The following EP300 variants were observed in gnomAD, a reference collection of about 807,000 sequenced individuals.
EP300 encodes the protein EP300 lysine acetyltransferase, also known as histone acetyltransferase p300.
EP300 carries 31 observed loss-of-function variants against 264.0 expected under a neutral mutation model. That is an observed-to-expected ratio of 0.12 (90% CI 0.09 to 0.16). The LOEUF (loss-of-function observed/expected upper bound fraction) is 0.16, where lower values mean the gene tolerates loss of function less well. EP300 is among the 10% of genes least tolerant of loss of function. The pLI is 1.00. For synonymous variants in EP300, 1,340 were observed against 1,045.4 expected, an observed-to-expected ratio of 1.28 and a Z score of -5.44; for missense variants, 2,766 against 3,052.9, an observed-to-expected ratio of 0.91 and a Z score of 2.21.
chr22:41,102,219 C>G (rs1025921502), intron 1 of EP300, among the ~76,000 whole-genome samples: 1 of 152,014 alleles, frequency 6.6e-6, no homozygotes, highest in Non-Finnish European at 1.5e-5. Flanking sequence ...TTCTTTCCTT[C>G]CTGGAGTTTA....
At chr22:41,111,684 G>A (rs575524619) in intron 1 of EP300, among the ~76,000 whole-genome samples, 2 of 151,928 alleles carry the variant, frequency 1.3e-5, no homozygotes, top group East Asian at 1.9e-4. Flanking sequence ...TGAGGTTACG[G>A]CCTGCACCAC....
In EP300 at chr22:41,157,384, C is replaced by T. The variant is rs2145747879; in HGVS notation, c.3477C>T (p.Ser1159=). 1 of 1,614,080 alleles carries T rather than the reference C, an allele frequency of 6.2e-7. No homozygotes were observed. Among genetic ancestry groups the T allele is most frequent in the African/African-American group, 1.3e-5 (1 of 75,008 alleles). ...AAGAAATTGACCCAGTGATGCAAAG[C>T]CTTGGATACTGTTGTGGCAGAAAGG... is the stretch of plus-strand genomic sequence containing the variant. ...FEQEIDPVMQ[S]LGYCCGRKLE... is the part of the protein sequence containing the mutation. Residue 1159 remains serine (S), a synonymous_variant, in exon 18 of 31, where the codon AGC becomes AGT. Coordinates refer to ENST00000263253, the MANE Select transcript of EP300 (RefSeq NM_001429.4).
chr22:41,105,658 A>G (rs2058754791), intron 1 of EP300, among the ~76,000 whole-genome samples: 2 of 152,068 alleles, frequency 1.3e-5, no homozygotes, highest in South Asian at 4.2e-4. Context: ...CGGCCTCCCA[A>G]AGTGTTGGGA....
At chr22:41,104,774 C>T (rs889891090) in intron 1 of EP300, among the ~76,000 whole-genome samples, 1 of 152,042 alleles carries the variant, frequency 6.6e-6, no homozygotes, top group Non-Finnish European at 1.5e-5. Flanking sequence ...AATCCCAGCA[C>T]TTTGGGAGGC....
At chr22:41,093,936 T>C (rs2145667290) in intron 1 of EP300, among the ~76,000 whole-genome samples, 1 of 152,344 alleles carries the variant, frequency 6.6e-6, no homozygotes, top group African/African-American at 2.4e-5. Context: ...TGTACAAAAG[T>C]TTAAAATGTG....
Position 41,176,804 on chromosome 22 carries a change from C to T in EP300, c.5093C>T (p.Thr1698Ile), listed in dbSNP as rs1351412281. The T allele has an allele frequency of 2.5e-6, 4 of 1,614,144 alleles. No homozygotes were observed. The highest frequency in any genetic ancestry group is 2.2e-5 in the South Asian group (2 of 91,056). ...GACTTGTGTATCACCTGCTATAACA[C>T]TAAAAACCATGACCACAAAATGGAG... is the stretch of plus-strand genomic sequence containing the variant. ...DYDLCITCYN[T>I]KNHDHKMEKL... Residue 1698 changes from threonine (T) to isoleucine (I), a missense_variant, in exon 31 of 31, where the codon ACT (threonine) becomes ATT (isoleucine). Coordinates refer to ENST00000263253, the MANE Select transcript of EP300 (RefSeq NM_001429.4).
rs975210038 is a variant in EP300, at chr22:41,178,885, G to C, written c.7174G>C (p.Asp2392His). 6.2e-7 allele frequency: 1 copy of C among 1,614,064 alleles called. No homozygotes were observed. Among genetic ancestry groups the C allele is most frequent in the Non-Finnish European group, 8.5e-7 (1 of 1,180,056 alleles). Residue 2392 changes from aspartate to histidine, a missense_variant, in exon 31 of 31, where the codon GAC becomes CAC. Physicochemically the swap from Asp to His is moderately conservative, Grantham distance 81 (BLOSUM62 -1). Coordinates refer to ENST00000263253, the MANE Select transcript of EP300 (RefSeq NM_001429.4). ...AAACCTCCATGGTGCAAGCGCCACG[G>C]ACCTGGGACTCAGCACCGATAACTC... is the stretch of plus-strand genomic sequence containing the variant. ...MANLHGASAT[D>H]LGLSTDNSDL...
At position 41,178,908 on chromosome 22, in the gene EP300, C is replaced by T. The variant is rs1318815266; in HGVS notation, c.7197C>T (p.Asn2399=). The T allele has an allele frequency of 5.0e-6, 8 of 1,614,112 alleles. No homozygotes were observed. The highest frequency in any genetic ancestry group is 6.8e-6 in the Non-Finnish European group (8 of 1,180,052). Residue 2399 remains asparagine, a synonymous_variant, in exon 31 of 31, where the codon AAC becomes AAT. Coordinates refer to ENST00000263253, the MANE Select transcript of EP300 (RefSeq NM_001429.4). ...CGGACCTGGGACTCAGCACCGATAACTCAGACTTGAATTCAAACCTCTCAC... is the reference window on the plus strand; with the variant it reads ...CGGACCTGGGACTCAGCACCGATAATTCAGACTTGAATTCAAACCTCTCAC... ...SATDLGLSTD[N]SDLNSNLSQS... is the part of the protein sequence containing the mutation.
At chr22:41,098,507 G>A (rs2058714160) in intron 1 of EP300, among the ~76,000 whole-genome samples, 1 of 152,112 alleles carries the variant, frequency 6.6e-6, no homozygotes, top group Admixed American at 6.5e-5. Flanking sequence ...GAGTAGCTGG[G>A]ACTACAGGCG....
intron 26 of EP300, 112 bp from the exon 27 acceptor site, chr22:41,170,294 A>G: frequency 9.7e-7 from 1 of 1,027,020 alleles, no homozygotes; most frequent in Non-Finnish European, 1.5e-6. Flanking sequence ...ACACTGTGTT[A>G]TCTTGGGAAA....
rs2145770335 is a variant in EP300, at chr22:41,172,606, G to C, written c.4560G>C (p.Leu1520=). The change falls in exon 28 of 31, where the codon CTG becomes CTC. Residue 1520 remains leucine, a synonymous_variant. Coordinates refer to ENST00000263253, the MANE Select transcript of EP300 (RefSeq NM_001429.4). ...PNVLEESIKE[L]EQEEEERKRE... Reference sequence around the variant, plus strand: ...TTCTGGAAGAAAGCATTAAGGAACTGGAACAGGAGGAAGAAGAGAGAAAAC... The same window carrying C: ...TTCTGGAAGAAAGCATTAAGGAACTCGAACAGGAGGAAGAAGAGAGAAAAC... 1 of 1,614,038 alleles carries C rather than the reference G, an allele frequency of 6.2e-7. No homozygotes were observed. The highest frequency in any genetic ancestry group is 8.5e-7 in the Non-Finnish European group (1 of 1,179,956).
At chr22:41,162,237 G>A (rs183336729) in intron 20 of EP300, among the ~76,000 whole-genome samples, 44 of 152,180 alleles carry the variant, frequency 2.9e-4, no homozygotes, top group Admixed American at 1.6e-3. Context: ...TATAAGAAAC[G>A]GTTTTCAATG....
chr22:41,093,568 T>G (rs760381976), intron 1 of EP300, among the ~76,000 whole-genome samples: 4 of 152,248 alleles, frequency 2.6e-5, no homozygotes, highest in Non-Finnish European at 5.9e-5. Flanking sequence ...AGGAATAGGG[T>G]GTAAAAAAAT....
intron 7 of EP300, among the ~76,000 whole-genome samples, chr22:41,136,998 T>G (rs909454175): frequency 3.3e-5 from 5 of 151,590 alleles, no homozygotes; most frequent in Admixed American, 1.3e-4. Context: ...AGGCAGAGGT[T>G]GCAGTGAGCT....
intron 21 of EP300, among the ~76,000 whole-genome samples, chr22:41,163,617 C>T (rs6002269): frequency 1.0e-4 from 15 of 143,460 alleles, no homozygotes; most frequent in African/African-American, 3.9e-4. Context: ...CGTGGTGGTG[C>T]GCGCCTGTAA....
At chr22:41,094,604 A>C (rs1206023291) in intron 1 of EP300, among the ~76,000 whole-genome samples, 1 of 152,200 alleles carries the variant, frequency 6.6e-6, no homozygotes, top group Non-Finnish European at 1.5e-5. Context: ...TCATACACAT[A>C]CACAAACGTC....
intron 29 of EP300, among the ~76,000 whole-genome samples, chr22:41,175,649 C>T (rs2059196311): frequency 6.6e-6 from 1 of 152,160 alleles, no homozygotes; most frequent in Admixed American, 6.5e-5. Context: ...ATACTGTCTC[C>T]ATATTTGGAT....
intron 26 of EP300, among the ~76,000 whole-genome samples, chr22:41,169,918 G>C (rs1317244970): frequency 6.6e-6 from 1 of 152,208 alleles, no homozygotes; most frequent in Non-Finnish European, 1.5e-5. Context: ...AACTGCATTT[G>C]ATCCTTTTAC....
intron 21 of EP300, 38 bp from the exon 22 acceptor site, chr22:41,164,015 G>A: frequency 1.3e-6 from 2 of 1,594,634 alleles, no homozygotes; most frequent in Non-Finnish European, 1.7e-6. Context: ...TTTGGTTAAG[G>A]TTTGGGGTTA....
Sources: allele counts gnomAD v4.1 joint callset (sites outside exome capture counted in the v4.1 genomes callset), GRCh38; gene constraint gnomAD v4.1.1; transcripts MANE v1.5; gene names NCBI Gene and HGNC (gene_info 2026-07-23, HGNC 2026-07-21).